The following MCOLN3 variants were observed in gnomAD, a reference collection of about 807,000 sequenced individuals.
The protein encoded by MCOLN3 is mucolipin-3.
A neutral mutation model predicts 69.4 loss-of-function variants in MCOLN3; 62 were observed. The ratio of observed to expected loss-of-function variants is 0.89; its 90% CI spans 0.73 to 1.10. The LOEUF (loss-of-function observed/expected upper bound fraction) is 1.10. MCOLN3 is among the 50% of genes least tolerant of loss of function. The probability of loss-of-function intolerance (pLI) is 0.00; values close to 1 mark genes in which losing one functional copy is unlikely to be tolerated. For synonymous variants in MCOLN3, 183 were observed against 217.0 expected (o/e 0.84, Z 1.38); for missense variants, 564 against 656.4 (o/e 0.86, Z 1.54).
At chr1:85,026,311 C>CA in intron 7 of MCOLN3, 27 bp from the exon 8 acceptor site, 2 of 1,390,530 alleles carry the variant, frequency 1.4e-6, no homozygotes, top group Non-Finnish European at 2.0e-6. Context: ...TTACATAGTG[C>CA]TTATGTAGTG....
At chr1:85,033,034 A>G (rs1652618685) in intron 4 of MCOLN3, 78 bp from the exon 5 acceptor site, 3 of 1,146,912 alleles carry the variant, frequency 2.6e-6, no homozygotes, top group Non-Finnish European at 2.6e-6. Context: ...ATTTAAGACC[A>G]GTTATTCAGA....
intron 3 of MCOLN3, among the ~76,000 whole-genome samples, chr1:85,039,348 T>C (rs939934542): frequency 6.6e-6 from 1 of 152,202 alleles, no homozygotes; most frequent in Non-Finnish European, 1.5e-5. Context: ...ACTGGCCTTA[T>C]AAAAGGCTGG....
In MCOLN3 at chr1:85,019,201, G is replaced by A. The variant is rs1300140350; in HGVS notation, c.1584C>T (p.Cys528=). Residue 528 remains cysteine, a synonymous_variant, in exon 13 of 13, where the codon TGC becomes TGT. Transcript: ENST00000370589. ...ETELRTFISE[C]KDLPNSGKYR... is the part of the protein sequence containing the mutation. ...ATTTTCCAGAGTTGGGTAGATCTTTGCATTCTGATATAAATGTACGAAGTT... is the reference window on the plus strand; with the variant it reads ...ATTTTCCAGAGTTGGGTAGATCTTTACATTCTGATATAAATGTACGAAGTT... The A allele has an allele frequency of 6.2e-7, 1 of 1,613,350 alleles. No individual in the cohort carries two copies. Among genetic ancestry groups the A allele is most frequent in the Admixed American group, 1.7e-5 (1 of 60,018 alleles).
Position 85,029,135 on chromosome 1 carries a change from T to C in MCOLN3, c.803A>G (p.Glu268Gly), listed in dbSNP as rs575592773. Reference protein sequence around the residue: ...ISLDNDISIRECKDWHVSGSI... With the variant: ...ISLDNDISIRGCKDWHVSGSI... ...TCCAGATACATGCCAGTCTTTACAT[T>C]CTCTGATGGAAATGTCATTATCTAA... Residue 268 changes from glutamate to glycine, a missense_variant, in exon 7 of 13, where the codon GAA (glutamate) becomes GGA (glycine). By Grantham distance (98) the Glu-to-Gly change is moderately conservative (BLOSUM62 -2). Coordinates refer to ENST00000370589, the MANE Select transcript of MCOLN3 (RefSeq NM_018298.11). The C allele has an allele frequency of 3.7e-6, 6 of 1,602,422 alleles. No homozygotes were observed. The Admixed American group carries it at 6.7e-5, about 18-fold the overall frequency.
chr1:85,045,247 C>T lies in MCOLN3; in HGVS notation c.114G>A (p.Met38Ile), dbSNP rs1282761966. 5 of 1,614,092 alleles carry T rather than the reference C, an allele frequency of 3.1e-6. No individual in the cohort carries two copies. The highest frequency in any genetic ancestry group is 3.3e-5 in the Admixed American group (2 of 60,020). The change falls in exon 2 of 13, where the codon ATG (methionine) becomes ATA (isoleucine). Residue 38 changes from methionine to isoleucine, a missense_variant. Met to Ile is a conservative substitution (Grantham distance 10). Coordinates refer to ENST00000370589, the MANE Select transcript of MCOLN3 (RefSeq NM_018298.11). The part of the protein sequence containing the change: ...PSEELLLEDQ[M>I]RRKLKFFFMN... Reference sequence around the variant, plus strand: ...TGAAAAAAAATTTGAGTTTTCGCCTCATCTGGTCTTCTAATAGAAGCTCCT... The same window carrying T: ...TGAAAAAAAATTTGAGTTTTCGCCTTATCTGGTCTTCTAATAGAAGCTCCT...
intron 7 of MCOLN3, among the ~76,000 whole-genome samples, chr1:85,028,061 G>T (rs1051999396): frequency 1.3e-5 from 2 of 152,152 alleles, no homozygotes; most frequent in African/African-American, 4.8e-5. Flanking sequence ...AGAATGCCTA[G>T]GTGCCAGACA....
chr1:85,029,652 T>G (rs570979164), intron 6 of MCOLN3: 1 of 153,018 alleles, frequency 6.5e-6, no homozygotes, highest in South Asian at 2.1e-4. Context: ...TTGAGACATT[T>G]CAAGTGGAGC....
chr1:85,023,974 A>C (rs1390099844), intron 9 of MCOLN3, among the ~76,000 whole-genome samples: 1 of 152,190 alleles, frequency 6.6e-6, no homozygotes, highest in Non-Finnish European at 1.5e-5. Flanking sequence ...TCAGCATGAG[A>C]GGACACTGAA....
chr1:85,025,625 G>T, intron 9 of MCOLN3: 1 of 212,104 alleles, frequency 4.7e-6, no homozygotes, highest in Admixed American at 5.8e-5. Context: ...AGTTACCTTG[G>T]TTGTGTATGA....
intron 10 of MCOLN3, 44 bp from the exon 11 acceptor site, chr1:85,022,236 C>T (rs781520215): frequency 6.2e-7 from 1 of 1,613,824 alleles, no homozygotes; most frequent in Non-Finnish European, 8.5e-7. Flanking sequence ...TGTCCTTTAG[C>T]CAAAGCAGTG....
At chr1:85,048,057 C>T (rs1042903269) in intron 1 of MCOLN3, among the ~76,000 whole-genome samples, 1 of 152,348 alleles carries the variant, frequency 6.6e-6, no homozygotes, top group South Asian at 2.1e-4. Context: ...CCAGGGGCTC[C>T]GGGCGGGGGT....
In MCOLN3 at chr1:85,037,332, T is replaced by C. The variant is rs1030928285; in HGVS notation, c.397-3081A>G. 1.6e-4 allele frequency among the ~76,000 whole-genome samples: 24 copies of C among 151,588 alleles called. 1 individual carries two copies. Among genetic ancestry groups the C allele is most frequent in the African/African-American group, 5.8e-4 (24 of 41,202 alleles). ...AGAACATATGATGTGTAATGGGAGG[T>C]AAACTGGGAAAGGCAAGCAGGGGTC... is the stretch of plus-strand genomic sequence containing the variant. On this transcript the variant is annotated intron_variant, in intron 3 of 12. Transcript: ENST00000370589.
chr1:85,043,683 C>T (rs1487292768), intron 2 of MCOLN3, among the ~76,000 whole-genome samples: 4 of 152,098 alleles, frequency 2.6e-5, no homozygotes, highest in Non-Finnish European at 4.4e-5. Context: ...CTAAACTTTT[C>T]ACTATTGAGA....
At chr1:85,019,516 A>C (rs947535566) in intron 12 of MCOLN3, among the ~76,000 whole-genome samples, 5 of 152,160 alleles carry the variant, frequency 3.3e-5, no homozygotes, top group African/African-American at 1.2e-4. Context: ...ACTGAGTCGA[A>C]GTCTGAGTCG....
intron 6 of MCOLN3, among the ~76,000 whole-genome samples, chr1:85,032,253 A>G (rs1294874518): frequency 1.3e-5 from 2 of 152,208 alleles, no homozygotes; most frequent in Non-Finnish European, 2.9e-5. Context: ...GTAGACTGTA[A>G]TAAGTTAAAG....
intron 6 of MCOLN3, chr1:85,029,934 G>A (rs1652419374): frequency 6.6e-6 from 1 of 152,170 alleles, no homozygotes; most frequent in Non-Finnish European, 1.5e-5. Context: ...AAGAAAAAAA[G>A]TTCTTTGAAA....
chr1:85,038,931 G>C (rs1021188483), intron 3 of MCOLN3, among the ~76,000 whole-genome samples: 1 of 152,100 alleles, frequency 6.6e-6, no homozygotes, highest in Admixed American at 6.5e-5. Context: ...GGAGGCAGAG[G>C]TTGCAGTGAG....
intron 9 of MCOLN3, 37 bp downstream of exon 9, chr1:85,025,902 C>A (rs112891429): frequency 1.2e-5 from 18 of 1,551,644 alleles, no homozygotes; most frequent in Non-Finnish European, 1.5e-5. Flanking sequence ...TAGTGCAAAT[C>A]TGACACTAAC....
At position 85,019,006 on chromosome 1, in the gene MCOLN3, C is replaced by G. The variant is rs112413351; in HGVS notation, c.*117G>C. On this transcript the variant is annotated 3_prime_UTR_variant, in exon 13 of 13. Coordinates refer to ENST00000370589, the MANE Select transcript of MCOLN3 (RefSeq NM_018298.11). Reference sequence around the variant, plus strand: ...AAACAGTTATTGGTGAATTATAGGTCTCAATTAGCTCAAAATAACAGTCTT... The same window carrying G: ...AAACAGTTATTGGTGAATTATAGGTGTCAATTAGCTCAAAATAACAGTCTT... 10,528 of 920,794 alleles carry G rather than the reference C, an allele frequency of 0.011. 90 individuals carry two copies. The highest frequency in any genetic ancestry group is 0.011 in the Non-Finnish European group (7,223 of 631,926). 57.0% of individuals were successfully genotyped at this position (920,794 alleles called of 1,614,324 possible).
Sources: gnomAD v4.1 joint callset for allele counts (sites outside exome capture counted in the v4.1 genomes callset) on GRCh38, gnomAD v4.1.1 for gene constraint, MANE v1.5 for transcripts, NCBI Gene and HGNC (gene_info 2026-07-23, HGNC 2026-07-21) for gene names.